SULT2B1: variants seen among roughly 807,000 people sequenced by gnomAD.
SULT2B1 encodes sulfotransferase family 2B member 1, also known as sulfotransferase 2B1.
In SULT2B1, 16 loss-of-function variants were observed where a neutral mutation model predicts 33.2. The ratio of observed to expected loss-of-function variants is 0.48; its 90% confidence interval spans 0.33 to 0.73. The LOEUF (loss-of-function observed/expected upper bound fraction) is 0.73. SULT2B1 is among the 30% of genes least tolerant of loss of function. The probability of loss-of-function intolerance (pLI) is 0.02; values close to 1 mark genes in which losing one functional copy is unlikely to be tolerated. For synonymous variants in SULT2B1, 186 were observed against 200.5 expected, an observed-to-expected ratio of 0.93 and a Z score of 0.61; for missense variants, 500 against 506.0, an observed-to-expected ratio of 0.99 and a Z score of 0.11.
intron 2 of SULT2B1, among the ~76,000 whole-genome samples, chr19:48,585,838 G>A (rs1311030015): frequency 6.6e-6 from 1 of 152,140 alleles, no homozygotes; most frequent in Non-Finnish European, 1.5e-5. Context: ...ATAAAAAAAG[G>A]GGTGACCCTC....
chr19:48,593,983 G>T (rs34332722), intron 5 of SULT2B1, among the ~76,000 whole-genome samples: 1,634 of 152,050 alleles, frequency 0.011, 10 homozygotes, highest in Non-Finnish European at 0.016. Flanking sequence ...TTTTGGCTGG[G>T]CACGGTGGCT....
intron 1 of SULT2B1, among the ~76,000 whole-genome samples, chr19:48,559,589 C>G (rs1217938263): frequency 6.6e-6 from 1 of 152,256 alleles, no homozygotes; most frequent in East Asian, 1.9e-4. Context: ...CAGCTGAGTT[C>G]AGGACCCATT....
chr19:48,562,373 C>T (rs1045710579), intron 1 of SULT2B1, among the ~76,000 whole-genome samples: 7 of 148,660 alleles, frequency 4.7e-5, no homozygotes, highest in East Asian at 2.0e-4. Context: ...GCAACAAGAG[C>T]GAAACTCTGT....
intron 1 of SULT2B1, 175 bp from the exon 2 acceptor site, chr19:48,575,765 GC>G: frequency 8.7e-7 from 1 of 1,148,186 alleles, no homozygotes; most frequent in Non-Finnish European, 1.2e-6. Flanking sequence ...ACAGGAGTGT[GC>G]CACTGCGCCT....
At chr19:48,555,503 T>G (rs1381683658) in intron 1 of SULT2B1, among the ~76,000 whole-genome samples, 1 of 151,976 alleles carries the variant, frequency 6.6e-6, no homozygotes, top group African/African-American at 2.4e-5. Context: ...TCTCTCTCTC[T>G]CTCTCTTTGC....
chr19:48,566,839 CAA>C (rs770788681), intron 1 of SULT2B1, among the ~76,000 whole-genome samples: 7 of 136,418 alleles, frequency 5.1e-5, no homozygotes, highest in Non-Finnish European at 1.1e-4. Context: ...GAGACTCTGT[CAA>C]AAAAAAAAAA....
chr19:48,579,109 A>G (rs1447459562), intron 2 of SULT2B1, among the ~76,000 whole-genome samples: 1 of 152,022 alleles, frequency 6.6e-6, no homozygotes, highest in Non-Finnish European at 1.5e-5. Context: ...TCACGTTGTC[A>G]AGGTTCAACC....
intron 3 of SULT2B1, among the ~76,000 whole-genome samples, chr19:48,588,487 G>A (rs147051008): frequency 0.052 from 7,803 of 150,604 alleles, 672 homozygotes; most frequent in African/African-American, 0.18. Context: ...ACTCCAGCCT[G>A]GGCAACAAAA....
intron 2 of SULT2B1, among the ~76,000 whole-genome samples, chr19:48,583,250 T>C (rs1009421699): frequency 2.0e-5 from 3 of 152,094 alleles, no homozygotes; most frequent in Non-Finnish European, 4.4e-5. Flanking sequence ...GCATGTAGAA[T>C]GGTACAGCTG....
At chr19:48,578,614 T>C (rs528613620) in intron 2 of SULT2B1, among the ~76,000 whole-genome samples, 1 of 151,806 alleles carries the variant, frequency 6.6e-6, no homozygotes, top group South Asian at 2.1e-4. Context: ...CGGTGGCTCA[T>C]GCCTGCAATC....
Position 48,596,801 on chromosome 19 carries a change from A to G in SULT2B1, c.708A>G (p.Ala236=). Residue 236 remains alanine (A), a synonymous_variant, in exon 6 of 7, where the codon GCA becomes GCG. Transcript: ENST00000201586. ...TGGGCCGTCCGCTGGGCAAGGAGGC[A>G]CTGGGCTCCGTCGTGGCACACTCAA... ...GFLGRPLGKE[A]LGSVVAHSTF... is the part of the protein sequence containing the mutation. 6.2e-7 allele frequency: 1 copy of G among 1,609,904 alleles called. No homozygotes were observed. The highest frequency in any genetic ancestry group is 1.7e-5 in the Admixed American group (1 of 59,986).
At chr19:48,587,535 T>C in intron 3 of SULT2B1, 98 bp downstream of exon 3, 1 of 1,341,188 alleles carries the variant, frequency 7.5e-7, no homozygotes, top group South Asian at 1.2e-5. Context: ...CAGCACCTAT[T>C]TGTTAAACAC....
intron 1 of SULT2B1, among the ~76,000 whole-genome samples, chr19:48,559,870 C>T (rs1441964017): frequency 1.3e-5 from 2 of 151,474 alleles, no homozygotes; most frequent in African/African-American, 4.9e-5. Flanking sequence ...CCTGTAATCC[C>T]AACACTTTGG....
At chr19:48,562,108 C>T (rs1041179783) in intron 1 of SULT2B1, among the ~76,000 whole-genome samples, 2 of 151,192 alleles carry the variant, frequency 1.3e-5, no homozygotes, top group African/African-American at 2.4e-5. Context: ...AAAATTAGGT[C>T]AGGTGTGGTG....
intron 1 of SULT2B1, chr19:48,575,655 C>T (rs1346392895): frequency 1.2e-5 from 3 of 259,050 alleles, no homozygotes; most frequent in African/African-American, 6.7e-5. Context: ...TGATTTTTGT[C>T]TTTTTAGTAG....
At position 48,576,046 on chromosome 19, in the gene SULT2B1, GGACGAC is replaced by G; in HGVS notation, c.181_186del (p.Asp61_Asp62del). 1 of 1,613,602 alleles carries G rather than the reference GGACGAC, an allele frequency of 6.2e-7. No homozygotes were observed. The highest frequency in any genetic ancestry group is 2.2e-5 in the East Asian group (1 of 44,858). On this transcript the variant is annotated inframe_deletion, in exon 2 of 7. Coordinates refer to ENST00000201586, the MANE Select transcript of SULT2B1 (RefSeq NM_177973.2). ...TGGCGGAGAACACCCAAGATGTGCG[GGACGAC>G]GACATCTTTATCATCACCTACCCCA...
At chr19:48,581,756 C>T (rs1178937058) in intron 2 of SULT2B1, among the ~76,000 whole-genome samples, 2 of 151,298 alleles carry the variant, frequency 1.3e-5, no homozygotes, top group Admixed American at 6.6e-5. Flanking sequence ...CGTGCCCGGC[C>T]GAGAGTTCTT....
intron 2 of SULT2B1, among the ~76,000 whole-genome samples, chr19:48,586,222 C>A (rs1973559876): frequency 6.6e-6 from 1 of 151,710 alleles, no homozygotes; most frequent in Non-Finnish European, 1.5e-5. Flanking sequence ...ATTCTGTCCC[C>A]AAAAAAATAA....
chr19:48,567,188 T>C (rs1973256059), intron 1 of SULT2B1, among the ~76,000 whole-genome samples: 1 of 152,072 alleles, frequency 6.6e-6, no homozygotes, highest in South Asian at 2.1e-4. Flanking sequence ...TGGGATATAT[T>C]TCACTGCGCG....
Sources: gnomAD v4.1 joint callset for allele counts (sites outside exome capture counted in the v4.1 genomes callset) on GRCh38, gnomAD v4.1.1 for gene constraint, MANE v1.5 for transcripts, NCBI Gene and HGNC (gene_info 2026-07-23, HGNC 2026-07-21) for gene names.